Variants in CRY2 observed in about 807,000 individuals in gnomAD.
CRY2 encodes the protein cryptochrome circadian regulator 2, also known as cryptochrome-2.
A neutral mutation model predicts 69.5 loss-of-function variants in CRY2; 31 were observed. The observed-to-expected ratio is 0.45, with a 90% CI of 0.34 to 0.60. The LOEUF (loss-of-function observed/expected upper bound fraction) is 0.60, where lower values mean the gene tolerates loss of function less well. Ranked by LOEUF, CRY2 falls within the 20% of genes least tolerant of loss-of-function variation. CRY2 has a pLI of 0.02. For missense variants in CRY2, 606 were observed against 797.8 expected (o/e 0.76, Z 2.90); for synonymous variants, 303 against 312.2 (o/e 0.97, Z 0.31).
chr11:45,856,890 A>C (rs1360739440), intron 2 of CRY2, among the ~76,000 whole-genome samples: 2 of 152,048 alleles, frequency 1.3e-5, no homozygotes, highest in Non-Finnish European at 2.9e-5. Context: ...GGTGCCACAT[A>C]GGTTTCTGTT....
intron 1 of CRY2, 145 bp downstream of exon 1, chr11:45,847,850 TC>T: frequency 1.7e-6 from 2 of 1,191,306 alleles, no homozygotes; most frequent in Non-Finnish European, 2.3e-6. Context: ...TTCGTCATGG[TC>T]CTAACGCGCC....
At chr11:45,873,325 T>C (rs192972421) in intron 11 of CRY2, among the ~76,000 whole-genome samples, 1 of 152,316 alleles carries the variant, frequency 6.6e-6, no homozygotes, top group Admixed American at 6.5e-5. Flanking sequence ...GTGTCTGGAT[T>C]TGTGTGCTCA....
At chr11:45,855,159 A>T (rs1255796753) in intron 1 of CRY2, among the ~76,000 whole-genome samples, 1 of 89,146 alleles carries the variant, frequency 1.1e-5, no homozygotes. Context: ...GGTCTTCCCC[A>T]CCCCCACCCC....
intron 10 of CRY2, among the ~76,000 whole-genome samples, chr11:45,871,452 C>G (rs955175704): frequency 3.3e-5 from 5 of 152,098 alleles, no homozygotes; most frequent in African/African-American, 1.2e-4. Context: ...CTTCAGTGCA[C>G]TGAAGGATGG....
At chr11:45,879,455 T>TG in intron 11 of CRY2, among the ~76,000 whole-genome samples, 1 of 152,372 alleles carries the variant, frequency 6.6e-6, no homozygotes, top group Admixed American at 6.5e-5. Flanking sequence ...TTCACATGTA[T>TG]GTCTGTTGGA....
Position 45,870,038 on chromosome 11 carries a change from C to A in CRY2, c.1195-15C>A, listed in dbSNP as rs373419375. ...CATGTCCCCAAGGAGGCTGATCATC[C>A]CCTCCCCTATCTAGGTATTTGATGA... On this transcript the variant is annotated splice_polypyrimidine_tract_variant and intron_variant, in intron 7 of 11. Coordinates refer to ENST00000616080, the MANE Select transcript of CRY2 (RefSeq NM_021117.5). 1.3e-6 allele frequency: 2 copies of A among 1,581,342 alleles called. No homozygotes were observed. Among genetic ancestry groups the A allele is most frequent in the Non-Finnish European group, 1.7e-6 (2 of 1,161,698 alleles).
At chr11:45,865,783 G>C (rs1166373754) in intron 5 of CRY2, among the ~76,000 whole-genome samples, 3 of 152,200 alleles carry the variant, frequency 2.0e-5, no homozygotes, top group African/African-American at 7.2e-5. Flanking sequence ...AAAGGCCTGG[G>C]TGCTGGGGAG....
chr11:45,876,168 A>C (rs1349014396), intron 11 of CRY2, among the ~76,000 whole-genome samples: 3 of 152,312 alleles, frequency 2.0e-5, no homozygotes, highest in East Asian at 1.9e-4. Context: ...TAAGATGTGA[A>C]TAGTCATTCT....
In CRY2 at chr11:45,847,487, A is replaced by G. The variant is rs774932552; in HGVS notation, c.-4A>G. 8 of 1,600,228 alleles carry G rather than the reference A, an allele frequency of 5.0e-6. No homozygotes were observed. The highest frequency in any genetic ancestry group is 1.7e-4 in the Middle Eastern group (1 of 6,012). ...CGGGGGTGGCTGGAGCAGTCTGGAC[A>G]GTCATGGCGGCGACTGTGGCGACGG... is the stretch of plus-strand genomic sequence containing the variant. On this transcript the variant is annotated 5_prime_UTR_variant, in exon 1 of 12. Coordinates refer to ENST00000616080, the MANE Select transcript of CRY2 (RefSeq NM_021117.5).
At position 45,869,715 on chromosome 11, in the gene CRY2, C is replaced by G. The variant is rs1260062767; in HGVS notation, c.1092C>G (p.Thr364=). The G allele has an allele frequency of 6.2e-7, 1 of 1,614,084 alleles. No homozygotes were observed. Among genetic ancestry groups the G allele is most frequent in the Non-Finnish European group, 8.5e-7 (1 of 1,180,048 alleles). ...TCCCTTGGATTGATGCCATCATGAC[C>G]CAACTGAGGCAGGAGGGCTGGATCC... is the stretch of plus-strand genomic sequence containing the variant. ...TGFPWIDAIM[T]QLRQEGWIHH... The change falls in exon 7 of 12, where the codon ACC becomes ACG. Residue 364 remains threonine (T), a synonymous_variant. Coordinates refer to ENST00000616080, the MANE Select transcript of CRY2 (RefSeq NM_021117.5).
Position 45,869,603 on chromosome 11 carries a change from G to A in CRY2, c.980G>A (p.Arg327His), listed in dbSNP as rs777311984. 9.3e-6 allele frequency: 15 copies of A among 1,614,124 alleles called. No homozygotes were observed. The highest frequency in any genetic ancestry group is 1.7e-5 in the Admixed American group (1 of 60,012). Residue 327 changes from arginine to histidine, a missense_variant, in exon 7 of 12, where the codon CGC becomes CAC. Coordinates refer to ENST00000616080, the MANE Select transcript of CRY2 (RefSeq NM_021117.5). Reference sequence around the variant, plus strand: ...GCTACCAACAACCCCAGGTTTGACCGCATGGAGGGGAACCCCATCTGCATC... The same window carrying A: ...GCTACCAACAACCCCAGGTTTGACCACATGGAGGGGAACCCCATCTGCATC... The part of the protein sequence containing the change: ...TAATNNPRFD[R>H]MEGNPICIQI...
intron 1 of CRY2, among the ~76,000 whole-genome samples, chr11:45,855,130 G>A (rs2086229252): frequency 1.3e-5 from 2 of 152,176 alleles, no homozygotes; most frequent in Admixed American, 6.5e-5. Flanking sequence ...GTCTCCTGCT[G>A]AAGTTCTTGC....
At chr11:45,855,858 A>G in intron 1 of CRY2, 124 bp from the exon 2 acceptor site, 1 of 839,572 alleles carries the variant, frequency 1.2e-6, no homozygotes, top group Middle Eastern at 2.4e-4. Flanking sequence ...AGGCCTCTCC[A>G]GCCCTAGTGA....
chr11:45,854,575 G>C (rs1300913943), intron 1 of CRY2, among the ~76,000 whole-genome samples: 1 of 152,218 alleles, frequency 6.6e-6, no homozygotes, highest in Non-Finnish European at 1.5e-5. Context: ...TATAACCCCA[G>C]CTACTCGGAA....
intron 1 of CRY2, 138 bp from the exon 2 acceptor site, chr11:45,855,844 A>G: frequency 1.3e-6 from 1 of 767,086 alleles, no homozygotes; most frequent in South Asian, 1.5e-5. Flanking sequence ...CTGGGCTGGA[A>G]CCCAGGCCTC....
chr11:45,854,604 G>A (rs1310453316), intron 1 of CRY2, among the ~76,000 whole-genome samples: 7 of 152,150 alleles, frequency 4.6e-5, no homozygotes, highest in Non-Finnish European at 7.4e-5. Flanking sequence ...CAGGAGAATC[G>A]CTTGAACCTG....
Position 45,870,463 on chromosome 11 carries a change from G to A in CRY2, c.1480G>A (p.Glu494Lys), listed in dbSNP as rs139936457. The A allele has an allele frequency of 1.5e-5, 24 of 1,614,106 alleles. No homozygotes were observed. Among genetic ancestry groups the A allele is most frequent in the Middle Eastern group, 1.6e-4 (1 of 6,084 alleles). Residue 494 changes from glutamate (E) to lysine (K), a missense_variant, in exon 9 of 12, where the codon GAG becomes AAG. Transcript: ENST00000616080. ...DYPRPIVNHA[E>K]TSRLNIERMK... ...CCCACGGCCCATCGTCAACCATGCC[G>A]AGACCAGCCGGCTTAACATTGAACG... is the stretch of plus-strand genomic sequence containing the variant.
rs376981579 is a variant in CRY2 at position 45,853,172 on chromosome 11, C to T, written c.216-2810C>T. Among the ~76,000 whole-genome samples, 179 of 152,260 alleles carry T rather than the reference C, an allele frequency of 1.2e-3. 1 individual carries two copies. Among genetic ancestry groups the T allele is most frequent in the African/African-American group, 4.2e-3 (173 of 41,542 alleles). ...TCTCTCTATGCCTCAGTTCCCTCAT[C>T]TATAAAATGGGAATAATAATATTAC... On this transcript the variant is annotated intron_variant, in intron 1 of 11. Coordinates refer to ENST00000616080, the MANE Select transcript of CRY2 (RefSeq NM_021117.5).
chr11:45,867,705 C>G lies in CRY2; in HGVS notation c.835C>G (p.Leu279Val). 2 of 1,614,232 alleles carry G rather than the reference C, an allele frequency of 1.2e-6. No individual in the cohort carries two copies. Among genetic ancestry groups the G allele is most frequent in the Non-Finnish European group, 1.7e-6 (2 of 1,180,036 alleles). The change falls in exon 6 of 12, where the codon CTC becomes GTC. Residue 279 changes from leucine to valine, a missense_variant. Physicochemically the swap from Leu to Val is conservative, Grantham distance 32. This residue lies in a region of CRY2 where 382 missense variants were observed against 508.9 expected (regional missense o/e 0.75). Transcript: ENST00000616080. ...CAGCCCCTACCTGCGCTTTGGTTGT[C>G]TCTCCTGCCGCCTCTTCTACTACCG... is the stretch of plus-strand genomic sequence containing the variant. ...GLSPYLRFGC[L>V]SCRLFYYRLW...
Sources: allele counts gnomAD v4.1 joint callset (sites outside exome capture counted in the v4.1 genomes callset), GRCh38; gene constraint gnomAD v4.1.1; regional missense constraint gnomAD v4.1.1; transcripts MANE v1.5; gene names NCBI Gene and HGNC (gene_info 2026-07-23, HGNC 2026-07-21).